The following DOCK11 variants were observed in gnomAD, a reference collection of about 807,000 sequenced individuals.
DOCK11 encodes the protein dedicator of cytokinesis protein 11.
DOCK11 carries 70 observed loss-of-function variants against 169.1 expected under a neutral mutation model. The observed-to-expected ratio is 0.41, with a 90% confidence interval of 0.34 to 0.51. The LOEUF is 0.51. DOCK11 is among the 20% of genes least tolerant of loss of function. DOCK11 has a pLI of 0.10. For synonymous variants in DOCK11, 529 were observed against 541.3 expected (o/e 0.98, Z 0.32); for missense variants, 1,166 against 1,538.8 (o/e 0.76, Z 4.05).
At chrX:118,511,919 T>G (rs920123327) in intron 1 of DOCK11, among the ~76,000 whole-genome samples, 1 of 112,158 alleles carries the variant, frequency 8.9e-6, no homozygotes, top group Middle Eastern at 4.6e-3. Context: ...GCTTATTTAT[T>G]TATTTATTTT....
At chrX:118,683,696 A>C (rs921459514) in intron 52 of DOCK11, among the ~76,000 whole-genome samples, 107 of 112,373 alleles carry the variant, frequency 9.5e-4, no homozygotes, top group African/African-American at 2.9e-3. Context: ...TAAATTATTC[A>C]AATTGAAAAC....
intron 44 of DOCK11, among the ~76,000 whole-genome samples, chrX:118,660,019 G>T (rs2016172653): frequency 8.9e-6 from 1 of 111,790 alleles, no homozygotes; most frequent in Non-Finnish European, 1.9e-5. Context: ...TTCAATAAAG[G>T]CTATGTTCTT....
chrX:118,556,949 C>A (rs1428195658), intron 6 of DOCK11, among the ~76,000 whole-genome samples: 1 of 110,096 alleles, frequency 9.1e-6, no homozygotes, highest in Non-Finnish European at 1.9e-5. Flanking sequence ...GCTGTGTTCA[C>A]CATCAAACAA....
chrX:118,576,473 C>T (rs1451183248), intron 12 of DOCK11, among the ~76,000 whole-genome samples: 1 of 111,886 alleles, frequency 8.9e-6, no homozygotes, highest in Admixed American at 9.5e-5. Flanking sequence ...AAAGAGTGTC[C>T]CCCATCATTG....
chrX:118,566,218 G>A lies in DOCK11; in HGVS notation c.871+36G>A, dbSNP rs771085314. 5.1e-5 allele frequency: 58 copies of A among 1,133,838 alleles called. No homozygotes were observed. In the South Asian group the frequency reaches 1.1e-3, roughly 21 times the overall value. 93.4% of individuals were successfully genotyped at this position (1,133,838 alleles called of 1,213,427 possible). A position where few individuals can be genotyped will look rare whatever the true frequency, so the allele number is the denominator to read the frequency against. On this transcript the variant is annotated intron_variant, in intron 8 of 52. Coordinates refer to ENST00000276202, the MANE Select transcript of DOCK11 (RefSeq NM_144658.4). The stretch of plus-strand genomic sequence containing the variant: ...TAAAGTGATTTATTATTGAAGTAAA[G>A]CCCTTGTCTTTAATCCGTGGAAATG...
At chrX:118,658,010 G>C (rs2016120974) in intron 44 of DOCK11, among the ~76,000 whole-genome samples, 1 of 111,523 alleles carries the variant, frequency 9.0e-6, no homozygotes, top group South Asian at 3.7e-4. Context: ...TCCATTCTGA[G>C]AAAGCATTAG....
intron 14 of DOCK11, among the ~76,000 whole-genome samples, chrX:118,582,315 A>G (rs1046034524): frequency 1.8e-5 from 2 of 111,919 alleles, no homozygotes; most frequent in Admixed American, 1.9e-4. Context: ...GTGGCAGAAC[A>G]TGGATCAGAA....
At chrX:118,579,257 T>C (rs1294809) in intron 13 of DOCK11, among the ~76,000 whole-genome samples, 49,677 of 110,581 alleles carry the variant, frequency 0.45, 8,801 homozygotes, top group African/African-American at 0.65. Flanking sequence ...AACCCTATAT[T>C]GTCATCCAGA....
chrX:118,660,255 A>T (rs2016179337), intron 44 of DOCK11, among the ~76,000 whole-genome samples: 1 of 111,551 alleles, frequency 9.0e-6, no homozygotes, highest in Non-Finnish European at 1.9e-5. Context: ...GTCACTAAAC[A>T]CTCTGTTTGT....
At chrX:118,545,474 C>T in intron 5 of DOCK11, 82 bp downstream of exon 5, 1 of 725,433 alleles carries the variant, frequency 1.4e-6, no homozygotes, top group Non-Finnish European at 2.0e-6. Context: ...AAGGGAATTT[C>T]TTGAGAAAAT....
At position 118,549,106 on chromosome X, in the gene DOCK11, C is replaced by CTGTGTGTGTGTGTGTGTGTGTG. The variant is rs57680469; in HGVS notation, c.558+2993_558+3014dup. On this transcript the variant is annotated intron_variant, in intron 6 of 52. Transcript: ENST00000276202. ...CTTTTTATCCTCAGCTGCTCATATTCTGTGTGTGTGTGTGTGTGTGTGTGA... is the reference window on the plus strand; with the variant it reads ...CTTTTTATCCTCAGCTGCTCATATTCTGTGTGTGTGTGTGTGTGTGTGTGTGTGTGTGTGTGTGTGTGTGTGA... Among the ~76,000 whole-genome samples the CTGTGTGTGTGTGTGTGTGTGTG allele has an allele frequency of 1.6e-4, 16 of 99,116 alleles. No individual in the cohort carries two copies. The South Asian group carries it at 3.2e-3, about 20-fold the overall frequency. 86.1% of individuals were successfully genotyped at this position (99,116 alleles called of 115,157 possible).
At chrX:118,668,101 T>A (rs1048401492) in intron 45 of DOCK11, among the ~76,000 whole-genome samples, 1 of 112,018 alleles carries the variant, frequency 8.9e-6, no homozygotes, top group Non-Finnish European at 1.9e-5. Context: ...TCCTGTATGC[T>A]TTTTCTCTTT....
intron 45 of DOCK11, among the ~76,000 whole-genome samples, chrX:118,668,812 G>A (rs1401591965): frequency 2.7e-5 from 3 of 111,560 alleles, no homozygotes; most frequent in Non-Finnish European, 5.6e-5. Context: ...GATACCTAAA[G>A]TGTTTTAAAG....
chrX:118,506,441 G>C (rs1209712888), intron 1 of DOCK11, among the ~76,000 whole-genome samples: 1 of 111,347 alleles, frequency 9.0e-6, no homozygotes, highest in Non-Finnish European at 1.9e-5. Flanking sequence ...CGAGGTGGGT[G>C]GATCACTTGA....
At chrX:118,503,499 A>G (rs1237438788) in intron 1 of DOCK11, among the ~76,000 whole-genome samples, 1 of 111,078 alleles carries the variant, frequency 9.0e-6, no homozygotes, top group African/African-American at 3.3e-5. Context: ...GGAAGAGCGG[A>G]GGTGGAGTCA....
intron 1 of DOCK11, among the ~76,000 whole-genome samples, chrX:118,510,723 A>G (rs1312613303): frequency 1.8e-5 from 2 of 111,619 alleles, no homozygotes; most frequent in Non-Finnish European, 3.8e-5. Flanking sequence ...TGTCCTGTGT[A>G]AGAGATGCTT....
chrX:118,684,240 ACTT>A (rs1228499925), intron 52 of DOCK11, among the ~76,000 whole-genome samples: 1 of 105,069 alleles, frequency 9.5e-6, no homozygotes, highest in African/African-American at 3.5e-5. Flanking sequence ...CCTTTCAAAA[ACTT>A]CTTCAAGCTT....
chrX:118,666,043 A>AG (rs1277483822), intron 45 of DOCK11, among the ~76,000 whole-genome samples: 3 of 111,238 alleles, frequency 2.7e-5, no homozygotes, highest in Non-Finnish European at 5.7e-5. Context: ...AGATCACTTG[A>AG]GGCCAGGAGT....
intron 1 of DOCK11, among the ~76,000 whole-genome samples, chrX:118,525,408 G>C (rs1423296729): frequency 9.0e-6 from 1 of 111,718 alleles, no homozygotes; most frequent in African/African-American, 3.3e-5. Flanking sequence ...TATACTAAGT[G>C]AAAGAAGCCA....
Sources: allele counts gnomAD v4.1 joint callset (sites outside exome capture counted in the v4.1 genomes callset), GRCh38; gene constraint gnomAD v4.1.1; transcripts MANE v1.5; gene names NCBI Gene and HGNC (gene_info 2026-07-23, HGNC 2026-07-21).